Variants in PCDHGB4 observed in about 807,000 individuals in gnomAD.
PCDHGB4 encodes the protein protocadherin gamma-B4.
PCDHGB4 carries 38 observed loss-of-function variants against 60.5 expected under a neutral mutation model. The observed-to-expected ratio is 0.63, with a 90% CI of 0.48 to 0.82. The LOEUF (loss-of-function observed/expected upper bound fraction) is 0.82. PCDHGB4 is among the 40% of genes least tolerant of loss of function. The pLI is 0.00. For synonymous variants in PCDHGB4, 456 were observed against 509.7 expected, an observed-to-expected ratio of 0.89 and a Z score of 1.42; for missense variants, 1,109 against 1,209.6, an observed-to-expected ratio of 0.92 and a Z score of 1.23.
chr5:141,450,310 G>A (rs1364358879), intron 1 of PCDHGB4, among the ~76,000 whole-genome samples: 1 of 151,966 alleles, frequency 6.6e-6, no homozygotes, highest in Non-Finnish European at 1.5e-5. Context: ...ACCATGTGTG[G>A]CCTAGTTGCC....
chr5:141,436,063 A>G (rs1406994228), intron 1 of PCDHGB4, among the ~76,000 whole-genome samples: 1 of 152,230 alleles, frequency 6.6e-6, no homozygotes, highest in Non-Finnish European at 1.5e-5. Flanking sequence ...ATAGAATTTA[A>G]TAAGTACAGT....
At chr5:141,396,944 G>A (rs983363091) in intron 1 of PCDHGB4, among the ~76,000 whole-genome samples, 1 of 152,166 alleles carries the variant, frequency 6.6e-6, no homozygotes, top group African/African-American at 2.4e-5. Context: ...GCCCTGGTAG[G>A]AAAGAAAATC....
At position 141,388,004 on chromosome 5, in the gene PCDHGB4, A is replaced by G; in HGVS notation, c.120A>G (p.Glu40=). The stretch of plus-strand genomic sequence containing the variant: ...AGATCCGCTACAGGATTCCCGAGGA[A>G]ATGCCCAAGGGCTCCGTAGTGGGGA... ...CEQIRYRIPE[E]MPKGSVVGNL... The change falls in exon 1 of 4, where the codon GAA becomes GAG. Residue 40 remains glutamate (E), a synonymous_variant. Transcript: ENST00000519479. 1 of 1,482,610 alleles carries G rather than the reference A, an allele frequency of 6.7e-7. No individual in the cohort carries two copies. The highest frequency in any genetic ancestry group is 9.1e-7 in the Non-Finnish European group (1 of 1,096,226). 91.8% of individuals were successfully genotyped at this position (1,482,610 alleles called of 1,614,324 possible). A position where few individuals can be genotyped will look rare whatever the true frequency, so the allele number is the denominator to read the frequency against.
chr5:141,411,544 AC>A (rs2095497010), intron 1 of PCDHGB4: 1 of 152,298 alleles, frequency 6.6e-6, no homozygotes. Context: ...TGATCTTGCC[AC>A]TGCACTCCAG....
intron 1 of PCDHGB4, chr5:141,413,082 A>C: frequency 3.7e-6 from 5 of 1,344,442 alleles, no homozygotes; most frequent in Non-Finnish European, 5.1e-6. Context: ...CCCAGGCTAC[A>C]GAGACACCCT....
chr5:141,410,318 G>C, intron 1 of PCDHGB4: 6 of 1,613,982 alleles, frequency 3.7e-6, no homozygotes, highest in Non-Finnish European at 5.1e-6. Context: ...CTTCCTCCTC[G>C]CCGTGATTCT....
Position 141,432,581 on chromosome 5 carries a change from C to T in PCDHGB4, c.2397+42300C>T. 6.2e-7 allele frequency: 1 copy of T among 1,613,930 alleles called. No homozygotes were observed. The highest frequency in any genetic ancestry group is 8.5e-7 in the Non-Finnish European group (1 of 1,179,974). On this transcript the variant is annotated intron_variant, in intron 1 of 3. Coordinates refer to ENST00000519479, the MANE Select transcript of PCDHGB4 (RefSeq NM_003736.4). The surrounding 1 kb of genome is among the most constrained non-coding windows in gnomAD (Gnocchi z 6.0). ...CCAGAACGCCTGGCTGTCCTACCGT[C>T]TGCTCAAGGCCAGCGAGCCGGGACT...
chr5:141,415,322 T>G (rs1226384298), intron 1 of PCDHGB4: 2 of 1,614,104 alleles, frequency 1.2e-6, no homozygotes, highest in South Asian at 2.2e-5. Flanking sequence ...ATCGTGCTGC[T>G]GGCGCACAGG....
At chr5:141,428,175 G>A (rs766332920) in intron 1 of PCDHGB4, 20 of 1,508,456 alleles carry the variant, frequency 1.3e-5, no homozygotes, top group Non-Finnish European at 1.8e-5. Flanking sequence ...GTGCGTGACG[G>A]AGGACAGCCG....
chr5:141,504,790 CT>C (rs1204741124), intron 2 of PCDHGB4, among the ~76,000 whole-genome samples: 15 of 152,080 alleles, frequency 9.9e-5, no homozygotes, highest in Admixed American at 3.9e-4. Context: ...TTGGGGCCTC[CT>C]ACATCTCCCC....
At position 141,421,915 on chromosome 5, in the gene PCDHGB4, C is replaced by T. The variant is rs751221129; in HGVS notation, c.2397+31634C>T. ...CATCCGAAAGGGCGCAGTTCCCATT[C>T]GTGTGGTGGTCCTCGATGTAAATGA... is the stretch of plus-strand genomic sequence containing the variant. On this transcript the variant is annotated intron_variant, in intron 1 of 3. Transcript: ENST00000519479. 18 of 1,613,504 alleles carry T rather than the reference C, an allele frequency of 1.1e-5. No individual in the cohort carries two copies. The South Asian group carries it at 1.5e-4, about 14-fold the overall frequency.
rs748223478 is a variant in PCDHGB4 at position 141,415,687 on chromosome 5, G to T, written c.2397+25406G>T. ...TTACTTTGAAGTTTGCGGCATGATG[G>T]TGGAAAGTGTAAATGCTAAAACACT... On this transcript the variant is annotated intron_variant, in intron 1 of 3. Coordinates refer to ENST00000519479, the MANE Select transcript of PCDHGB4 (RefSeq NM_003736.4). 1.1e-5 allele frequency: 17 copies of T among 1,535,300 alleles called. No individual in the cohort carries two copies. In the South Asian group the frequency reaches 1.3e-4, roughly 12 times the overall value.
chr5:141,417,940 C>A, intron 1 of PCDHGB4: 2 of 1,613,054 alleles, frequency 1.2e-6, no homozygotes, highest in Non-Finnish European at 1.7e-6. Flanking sequence ...TGTTCTACCC[C>A]ACGCTGTGTG....
At position 141,476,379 on chromosome 5, in the gene PCDHGB4, T is replaced by TTCA. The variant is rs768549633; in HGVS notation, c.2398-18428_2398-18427insTCA. 9 of 1,614,126 alleles carry TTCA rather than the reference T, an allele frequency of 5.6e-6. No homozygotes were observed. The East Asian group carries it at 2.0e-4, about 36-fold the overall frequency. ...AACCGGGAGACCGGAGAGATGTTTG[T>TTCA]GAACGACCGTCTGGATCGAGAGGAG... On this transcript the variant is annotated intron_variant, in intron 1 of 3. Transcript: ENST00000519479. This position sits in a 1 kb window ranked among gnomAD's most constrained non-coding sequence, Gnocchi z 7.6.
chr5:141,399,538 T>G, intron 1 of PCDHGB4: 1 of 1,614,048 alleles, frequency 6.2e-7, no homozygotes, highest in Non-Finnish European at 8.5e-7. Context: ...CGCGCAAGTC[T>G]GCGCCTCGGA....
intron 1 of PCDHGB4, among the ~76,000 whole-genome samples, chr5:141,467,441 T>C (rs919148544): frequency 6.6e-6 from 1 of 152,340 alleles, no homozygotes; most frequent in African/African-American, 2.4e-5. Context: ...CATTCATTAC[T>C]TTTTTCTTCC....
chr5:141,469,155 A>C (rs1342352040), intron 1 of PCDHGB4, among the ~76,000 whole-genome samples: 3 of 152,108 alleles, frequency 2.0e-5, no homozygotes, highest in Admixed American at 1.3e-4. Context: ...ACATGTCTGT[A>C]GTCCCAGCTA....
In PCDHGB4 at chr5:141,389,510, G is replaced by A. The variant is rs527483186; in HGVS notation, c.1626G>A (p.Ala542=). The A allele has an allele frequency of 5.0e-6, 8 of 1,613,140 alleles. No individual in the cohort carries two copies. In the African/African-American group the frequency reaches 6.7e-5, roughly 13 times the overall value. ...ARDQGSPALS[A]NVSLRVLVDD... is the part of the protein sequence containing the mutation. ...ACCAGGGCTCGCCAGCGCTCAGCGC[G>A]AACGTGAGCCTGCGCGTGTTAGTGG... Residue 542 remains alanine (A), a synonymous_variant, in exon 1 of 4, where the codon GCG becomes GCA. Transcript: ENST00000519479.
chr5:141,477,168 A>C lies in PCDHGB4; in HGVS notation c.2398-17639A>C, dbSNP rs763187246. 1 of 1,614,210 alleles carries C rather than the reference A, an allele frequency of 6.2e-7. No homozygotes were observed. The highest frequency in any genetic ancestry group is 8.5e-7 in the Non-Finnish European group (1 of 1,180,040). On this transcript the variant is annotated intron_variant, in intron 1 of 3. Transcript: ENST00000519479. This position sits in a 1 kb window ranked among gnomAD's most constrained non-coding sequence, Gnocchi z 4.9. ...GTGGATGTGAATGACAACGCCCCGG[A>C]GATCACAGTCACCTCCGTGTACAGC...
Sources: gnomAD v4.1 joint callset for allele counts (sites outside exome capture counted in the v4.1 genomes callset) on GRCh38, gnomAD v4.1.1 for gene constraint, Gnocchi (gnomAD v3.1) non-coding constraint, MANE v1.5 for transcripts, NCBI Gene and HGNC (gene_info 2026-07-23, HGNC 2026-07-21) for gene names.